The following GPC6 variants were observed in gnomAD, a reference collection of about 807,000 sequenced individuals.
GPC6 encodes the protein glypican-6.
Under a neutral mutation model 55.2 loss-of-function variants are expected in GPC6, and 14 were observed. The ratio of observed to expected loss-of-function variants is 0.25; its 90% CI spans 0.17 to 0.40. The LOEUF (loss-of-function observed/expected upper bound fraction) is 0.40, where lower values mean the gene tolerates loss of function less well. GPC6 is among the 10% of genes least tolerant of loss of function. The pLI is 1.00. For missense variants in GPC6, 641 were observed against 708.5 expected (o/e 0.90, Z 1.08); for synonymous variants, 278 against 259.6 (o/e 1.07, Z -0.68).
chr13:93,384,541 G>T (rs983046258), intron 1 of GPC6, among the ~76,000 whole-genome samples: 4 of 152,130 alleles, frequency 2.6e-5, no homozygotes, highest in Non-Finnish European at 4.4e-5. Context: ...CATAAAATTT[G>T]CCTTCCTATA....
intron 2 of GPC6, among the ~76,000 whole-genome samples, chr13:93,815,102 TA>T (rs141171903): frequency 0.029 from 4,391 of 152,316 alleles, 77 homozygotes; most frequent in South Asian, 0.064. Context: ...CAATTTTTAA[TA>T]TTCAGATACC....
At chr13:93,316,636 TTAAAA>T (rs1214911409) in intron 1 of GPC6, among the ~76,000 whole-genome samples, 12 of 152,074 alleles carry the variant, frequency 7.9e-5, no homozygotes, top group Admixed American at 6.6e-5. Context: ...TAAATAATAG[TTAAAA>T]TAAAAGAACC....
intron 3 of GPC6, among the ~76,000 whole-genome samples, chr13:93,969,262 T>C (rs1210937183): frequency 1.3e-5 from 2 of 152,170 alleles, no homozygotes; most frequent in African/African-American, 4.8e-5. Context: ...CAGTTCAGCA[T>C]AGAAAAATAC....
At chr13:93,924,750 A>G (rs1016688364) in intron 3 of GPC6, among the ~76,000 whole-genome samples, 17 of 140,542 alleles carry the variant, frequency 1.2e-4, no homozygotes, top group African/African-American at 4.6e-4. Flanking sequence ...AAGGATACCT[A>G]TACTTTTCCT....
chr13:93,405,727 C>T (rs1876265781), intron 1 of GPC6, among the ~76,000 whole-genome samples: 1 of 151,898 alleles, frequency 6.6e-6, no homozygotes, highest in Admixed American at 6.6e-5. Flanking sequence ...TGAAACAAAA[C>T]AGAACAATAA....
chr13:93,279,387 T>C (rs564282642), intron 1 of GPC6, among the ~76,000 whole-genome samples: 1 of 152,304 alleles, frequency 6.6e-6, no homozygotes, highest in Non-Finnish European at 1.5e-5. Flanking sequence ...GTACATTGGG[T>C]TTGGAAACGC....
chr13:93,379,515 G>C (rs1309848105), intron 1 of GPC6, among the ~76,000 whole-genome samples: 1 of 152,122 alleles, frequency 6.6e-6, no homozygotes, highest in African/African-American at 2.4e-5. Context: ...AAAGAAGGAA[G>C]AGTAAGTGAA....
intron 2 of GPC6, among the ~76,000 whole-genome samples, chr13:93,819,269 G>C (rs1180750324): frequency 6.6e-6 from 1 of 152,122 alleles, no homozygotes; most frequent in Non-Finnish European, 1.5e-5. Flanking sequence ...TCCCAGATTT[G>C]ATCCTTGGTG....
rs1883383035 is a variant in GPC6, at chr13:93,719,716, A to G, written c.320-110438A>G. Among the ~76,000 whole-genome samples, 4 of 151,726 alleles carry G rather than the reference A, an allele frequency of 2.6e-5. No individual in the cohort carries two copies. The South Asian group carries it at 8.3e-4, about 31-fold the overall frequency. ...CCCCATTCAGTATGATATTGGTTGCATATTTGTCATAAATAGCTCTTATTA... is the reference window on the plus strand; with the variant it reads ...CCCCATTCAGTATGATATTGGTTGCGTATTTGTCATAAATAGCTCTTATTA... On this transcript the variant is annotated intron_variant, in intron 2 of 8. Transcript: ENST00000377047.
intron 4 of GPC6, among the ~76,000 whole-genome samples, chr13:94,237,238 T>G (rs1214795706): frequency 6.6e-6 from 1 of 152,114 alleles, no homozygotes; most frequent in Non-Finnish European, 1.5e-5. Context: ...AAGAACCCAA[T>G]GAATGAAGCA....
chr13:93,344,271 T>G (rs765915159), intron 1 of GPC6, among the ~76,000 whole-genome samples: 3 of 152,178 alleles, frequency 2.0e-5, no homozygotes, highest in Non-Finnish European at 2.9e-5. Flanking sequence ...AGAGGGACAT[T>G]TCCTGCAAGT....
intron 4 of GPC6, among the ~76,000 whole-genome samples, chr13:94,224,313 CA>C (rs1257500748): frequency 1.4e-4 from 21 of 148,170 alleles, no homozygotes; most frequent in Non-Finnish European, 8.9e-5. Flanking sequence ...TCAAAAAGTA[CA>C]TGGAAATAGA....
intron 2 of GPC6, among the ~76,000 whole-genome samples, chr13:93,563,974 C>A (rs1875959198): frequency 6.6e-6 from 1 of 151,982 alleles, no homozygotes. Context: ...TTTTCGTGCA[C>A]CCTTCACCGA....
chr13:93,623,200 G>T (rs2139560049), intron 2 of GPC6, among the ~76,000 whole-genome samples: 1 of 152,052 alleles, frequency 6.6e-6, no homozygotes, highest in African/African-American at 2.4e-5. Context: ...TAGCTATTGT[G>T]AATAGTGCTG....
At chr13:94,175,325 A>G (rs1888709838) in intron 4 of GPC6, among the ~76,000 whole-genome samples, 1 of 152,164 alleles carries the variant, frequency 6.6e-6, no homozygotes, top group Non-Finnish European at 1.5e-5. Flanking sequence ...GCCATCCACA[A>G]TGTGTCAATG....
At chr13:93,866,483 G>A in intron 3 of GPC6, among the ~76,000 whole-genome samples, 1 of 151,722 alleles carries the variant, frequency 6.6e-6, no homozygotes, top group East Asian at 2.0e-4. Context: ...TCCCATCAGT[G>A]ATAGACTGAA....
intron 2 of GPC6, among the ~76,000 whole-genome samples, chr13:93,701,233 T>C (rs2138794710): frequency 6.6e-6 from 1 of 152,242 alleles, no homozygotes; most frequent in South Asian, 2.1e-4. Flanking sequence ...CATTGTGTAT[T>C]ATACAGGTAA....
At position 94,404,857 on chromosome 13, in the gene GPC6, CT is replaced by C. The variant is rs1340706198; in HGVS notation, c.*1641del. 4.6e-5 allele frequency: 7 copies of C among 152,216 alleles called. No individual in the cohort carries two copies. The highest frequency in any genetic ancestry group is 1.3e-4 in the Admixed American group (2 of 15,284). 9.4% of individuals were successfully genotyped at this position (152,216 alleles called of 1,614,324 possible). A position where few individuals can be genotyped will look rare whatever the true frequency, so the allele number is the denominator to read the frequency against. ...GCCAAAGCCAGGCCTTTCGCTCCCC[CT>C]GACAGAGAGAAGCAAAATAAACCCA... On this transcript the variant is annotated 3_prime_UTR_variant, in exon 9 of 9. Coordinates refer to ENST00000377047, the MANE Select transcript of GPC6 (RefSeq NM_005708.5).
intron 1 of GPC6, among the ~76,000 whole-genome samples, chr13:93,464,075 G>A (rs918478739): frequency 6.6e-6 from 1 of 152,140 alleles, no homozygotes; most frequent in Admixed American, 6.6e-5. Flanking sequence ...ATAGTGTTGT[G>A]TCTACAACCG....
Sources: allele counts gnomAD v4.1 joint callset (sites outside exome capture counted in the v4.1 genomes callset), GRCh38; gene constraint gnomAD v4.1.1; transcripts MANE v1.5; gene names NCBI Gene and HGNC (gene_info 2026-07-23, HGNC 2026-07-21).